The following ATP5F1A variants were observed in gnomAD, a reference collection of about 807,000 sequenced individuals.
The protein encoded by ATP5F1A is ATP synthase F1 subunit alpha.
A neutral mutation model predicts 57.4 loss-of-function variants in ATP5F1A; 24 were observed. The observed-to-expected ratio is 0.42, with a 90% CI of 0.30 to 0.59. The LOEUF (loss-of-function observed/expected upper bound fraction) is 0.59, where lower values mean the gene tolerates loss of function less well. ATP5F1A is among the 20% of genes least tolerant of loss of function. The pLI is 0.19. For synonymous variants in ATP5F1A, 251 were observed against 255.5 expected (o/e 0.98, Z 0.17); for missense variants, 494 against 707.9 (o/e 0.70, Z 3.43).
upstream of ATP5F1A, among the ~76,000 whole-genome samples, chr18:46,101,897 G>A (rs1450938201): frequency 3.7e-4 from 55 of 149,028 alleles, no homozygotes; most frequent in Non-Finnish European, 4.4e-4. Flanking sequence ...AAAAAAGGCC[G>A]GGCATGGTGG....
Position 46,081,652 on chromosome 18 carries a change from A to T in ATP5F1A, c.*2630T>A, listed in dbSNP as rs1166027300. The stretch of plus-strand genomic sequence containing the variant: ...GCACTCCAGCCTGGGCAACAAGAGC[A>T]AAACTCTCAAAAAAAAAAAACAAAA... On this transcript the variant is annotated 3_prime_UTR_variant, in exon 12 of 12. Coordinates refer to ENST00000398752, the MANE Select transcript of ATP5F1A (RefSeq NM_004046.6). 7.1e-6 allele frequency: 1 copy of T among 141,406 alleles called. No individual in the cohort carries two copies. 8.8% of individuals were successfully genotyped at this position (141,406 alleles called of 1,614,324 possible).
upstream of ATP5F1A, among the ~76,000 whole-genome samples, chr18:46,101,363 A>C (rs1165120680): frequency 2.0e-5 from 3 of 151,674 alleles, no homozygotes; most frequent in African/African-American, 7.3e-5. Context: ...TCAGGAGTTC[A>C]AGACCAGCCT....
chr18:46,091,698 A>G lies in ATP5F1A; in HGVS notation c.293T>C (p.Phe98Ser). 2 of 1,603,268 alleles carry G rather than the reference A, an allele frequency of 1.2e-6. No homozygotes were observed. The highest frequency in any genetic ancestry group is 1.7e-6 in the Non-Finnish European group (2 of 1,176,332). ...ATAATTTACCTTTAAGCCTGAAGAAAACTCTACCATTTCTTCTGCTTGAAC... is the reference window on the plus strand; with the variant it reads ...ATAATTTACCTTTAAGCCTGAAGAAGACTCTACCATTTCTTCTGCTTGAAC... Reference protein sequence around the residue: ...RNVQAEEMVEFSSGLKGMSLN... With the variant: ...RNVQAEEMVESSSGLKGMSLN... Residue 98 changes from phenylalanine to serine, a missense_variant, in exon 3 of 12, where the codon TTT becomes TCT. Phe to Ser is a radical substitution (Grantham distance 155, BLOSUM62 -2). This residue lies in a region of ATP5F1A where 142 missense variants were observed against 137.5 expected (regional missense o/e 1.03). Coordinates refer to ENST00000398752, the MANE Select transcript of ATP5F1A (RefSeq NM_004046.6).
intron 10 of ATP5F1A, 68 bp downstream of exon 10, chr18:46,086,045 C>T: frequency 6.5e-7 from 1 of 1,539,826 alleles, no homozygotes. Flanking sequence ...TGTGATGCAG[C>T]TCTGTAGGCC....
chr18:46,088,405 C>T, intron 5 of ATP5F1A, 148 bp from the exon 6 acceptor site: 1 of 708,208 alleles, frequency 1.4e-6, no homozygotes, highest in African/African-American at 1.8e-5. Context: ...AAGAAAAATT[C>T]TTCTGCCTTG....
intron 3 of ATP5F1A, among the ~76,000 whole-genome samples, chr18:46,090,513 T>C (rs1706145599): frequency 6.6e-6 from 1 of 152,220 alleles, no homozygotes; most frequent in South Asian, 2.1e-4. Flanking sequence ...ATACAAATTT[T>C]CATAACATAA....
upstream of ATP5F1A, among the ~76,000 whole-genome samples, chr18:46,102,349 A>C (rs943850596): frequency 1.3e-5 from 2 of 151,654 alleles, no homozygotes; most frequent in African/African-American, 4.8e-5. Flanking sequence ...TTTGTGGTGG[A>C]TTCTCACTCT....
chr18:46,094,477 G>C (rs1910800257), intron 2 of ATP5F1A, among the ~76,000 whole-genome samples: 1 of 152,076 alleles, frequency 6.6e-6, no homozygotes. Flanking sequence ...GACCATCCTG[G>C]CCAACATGGT....
At position 46,083,995 on chromosome 18, in the gene ATP5F1A, AC is replaced by A. The variant is rs202210184; in HGVS notation, c.*286del. On this transcript the variant is annotated 3_prime_UTR_variant, in exon 12 of 12. Coordinates refer to ENST00000398752, the MANE Select transcript of ATP5F1A (RefSeq NM_004046.6). ...GTGAGAATCAGTCTCAAAAAAAAAAACAAAAAAAAAACTTACAAAGAGCTCA... is the reference window on the plus strand; with the variant it reads ...GTGAGAATCAGTCTCAAAAAAAAAAAAAAAAAAAAACTTACAAAGAGCTCA... The A allele has an allele frequency of 0.016, 3,095 of 196,366 alleles. 133 individuals are homozygous for A. Among genetic ancestry groups the A allele is most frequent in the African/African-American group, 0.054 (2,215 of 41,058 alleles). 12.2% of individuals were successfully genotyped at this position (196,366 alleles called of 1,614,324 possible). A position where few individuals can be genotyped will look rare whatever the true frequency, so the allele number is the denominator to read the frequency against.
In ATP5F1A at chr18:46,089,878, C is replaced by T. The variant is rs1235370227; in HGVS notation, c.428G>A (p.Gly143Asp). 2 of 1,613,768 alleles carry T rather than the reference C, an allele frequency of 1.2e-6. No homozygotes were observed. Among genetic ancestry groups the T allele is most frequent in the African/African-American group, 1.3e-5 (1 of 74,914 alleles). Residue 143 changes from glycine (G) to aspartate (D), a missense_variant, in exon 4 of 12, where the codon GGT (glycine) becomes GAT (aspartate). Physicochemically the swap from Gly to Asp is moderately conservative, Grantham distance 94. Around this residue, in one of 6 missense-constraint regions of ATP5F1A, gnomAD observed 191 missense variants for 267.7 expected, o/e 0.71. Transcript: ENST00000398752. ...AACTACACGACCCAACAGCTCCTCA[C>T]CAACTGGAACGTCCACAATGGCTCC... ...RTGAIVDVPV[G>D]EELLGRVVDA...
upstream of ATP5F1A, chr18:46,099,292 T>C (rs1911193350): frequency 1.3e-5 from 2 of 151,984 alleles, no homozygotes; most frequent in Admixed American, 1.3e-4. Context: ...AAAAACACTT[T>C]CTATGCTTAC....
In ATP5F1A at chr18:46,084,189, T is replaced by G; in HGVS notation, c.*93A>C. ...TTATTTTTCATGTGATTTCTGTACA[T>G]AAGGAGTATGAGAGTAACCCTTTTA... On this transcript the variant is annotated 3_prime_UTR_variant, in exon 12 of 12. Transcript: ENST00000398752. 1.0e-6 allele frequency: 1 copy of G among 1,004,882 alleles called. No homozygotes were observed. The highest frequency in any genetic ancestry group is 1.5e-6 in the Non-Finnish European group (1 of 677,932). The allele number at this position is 1,004,882 out of a possible 1,614,324, so 62.2% of individuals were successfully genotyped here.
At position 46,084,134 on chromosome 18, in the gene ATP5F1A, G is replaced by A; in HGVS notation, c.*148C>T. The A allele has an allele frequency of 1.7e-6, 1 of 605,240 alleles. No homozygotes were observed. The highest frequency in any genetic ancestry group is 3.1e-5 in the East Asian group (1 of 32,104). The allele number at this position is 605,240 out of a possible 1,614,324, so 37.5% of individuals were successfully genotyped here. On this transcript the variant is annotated 3_prime_UTR_variant, in exon 12 of 12. Transcript: ENST00000398752. ...CTTGGTTTTAAAGAATAACACAAATGACAGAAAACAACTATGCATTATGGA... is the reference window on the plus strand; with the variant it reads ...CTTGGTTTTAAAGAATAACACAAATAACAGAAAACAACTATGCATTATGGA...
rs764543797 is a variant in ATP5F1A at position 46,089,938 on chromosome 18, T to G, written c.368A>C (p.Lys123Thr). 1 of 1,613,126 alleles carries G rather than the reference T, an allele frequency of 6.2e-7. No homozygotes were observed. Among genetic ancestry groups the G allele is most frequent in the Admixed American group, 1.7e-5 (1 of 59,728 alleles). Residue 123 changes from lysine (K) to threonine (T), a missense_variant, in exon 4 of 12, where the codon AAA becomes ACA. This residue lies in a region of ATP5F1A where 191 missense variants were observed against 267.7 expected (regional missense o/e 0.71). Transcript: ENST00000398752. Reference sequence around the variant, plus strand: ...CACTATATCTCCTTCCTTAATTAGTTTATCATTTCCAAACACGACAACACC... The same window carrying G: ...CACTATATCTCCTTCCTTAATTAGTGTATCATTTCCAAACACGACAACACC... ...NVGVVVFGND[K>T]LIKEGDIVKR...
rs755041110 is a variant in ATP5F1A at position 46,080,584 on chromosome 18, T to C, written c.*3698A>G. 1.3e-5 allele frequency: 2 copies of C among 152,254 alleles called. No individual in the cohort carries two copies. Among genetic ancestry groups the C allele is most frequent in the Admixed American group, 6.5e-5 (1 of 15,282 alleles). The allele number at this position is 152,254 out of a possible 1,614,324, so 9.4% of individuals were successfully genotyped here. The stretch of plus-strand genomic sequence containing the variant: ...AGCAAAAACACCAGGGAAAGGACTA[T>C]ACAGTTTTAGGGGAGATCTTGAAGT... On this transcript the variant is annotated 3_prime_UTR_variant, in exon 12 of 12. Transcript: ENST00000398752.
At chr18:46,094,034 G>A (rs1200310354) in intron 2 of ATP5F1A, among the ~76,000 whole-genome samples, 4 of 151,930 alleles carry the variant, frequency 2.6e-5, no homozygotes, top group African/African-American at 9.7e-5. Flanking sequence ...TTGAACCCGT[G>A]AGGCAGAGGC....
At chr18:46,094,164 T>TACACACACACACACAC (rs71938962) in intron 2 of ATP5F1A, among the ~76,000 whole-genome samples, 2 of 149,040 alleles carry the variant, frequency 1.3e-5, no homozygotes, top group South Asian at 2.1e-4. Context: ...TGTGTACACA[T>TACACACACACACACAC]ACACACACAC....
At chr18:46,091,508 G>C (rs947841306) in intron 3 of ATP5F1A, among the ~76,000 whole-genome samples, 174 bp downstream of exon 3, 2 of 152,058 alleles carry the variant, frequency 1.3e-5, no homozygotes, top group African/African-American at 4.8e-5. Flanking sequence ...AAAAAACTTG[G>C]CTAATTCAAA....
At chr18:46,088,007 TA>T in intron 6 of ATP5F1A, 101 bp downstream of exon 6, 3 of 1,311,752 alleles carry the variant, frequency 2.3e-6, no homozygotes, top group Non-Finnish European at 3.2e-6. Context: ...TTCAGCCCAT[TA>T]GGAAGTAATT....
Sources: allele counts gnomAD v4.1 joint callset (sites outside exome capture counted in the v4.1 genomes callset), GRCh38; gene constraint gnomAD v4.1.1; regional missense constraint gnomAD v4.1.1; transcripts MANE v1.5; gene names NCBI Gene and HGNC (gene_info 2026-07-23, HGNC 2026-07-21).